WSB1: variants seen among roughly 807,000 people sequenced by gnomAD.
WSB1 encodes the protein WD repeat and SOCS box containing 1.
A neutral mutation model predicts 50.2 loss-of-function variants in WSB1; 23 were observed. The ratio of observed to expected loss-of-function variants is 0.46; its 90% confidence interval spans 0.33 to 0.65. The LOEUF (loss-of-function observed/expected upper bound fraction) is 0.65. Ranked by LOEUF, WSB1 falls within the 30% of genes least tolerant of loss-of-function variation. WSB1 has a pLI of 0.02. For missense variants in WSB1, 492 were observed against 522.3 expected (o/e 0.94, Z 0.56); for synonymous variants, 179 against 172.0 (o/e 1.04, Z -0.32).
chr17:27,298,049 CG>C (rs2017058270), intron 1 of WSB1, among the ~76,000 whole-genome samples: 1 of 148,040 alleles, frequency 6.8e-6, no homozygotes, highest in South Asian at 2.2e-4. Flanking sequence ...TGCTTGAACC[CG>C]GGAGGCAGAG....
intron 8 of WSB1, 125 bp from the exon 9 acceptor site, chr17:27,312,085 G>T: frequency 6.4e-6 from 8 of 1,242,302 alleles, no homozygotes; most frequent in Non-Finnish European, 8.9e-6. Context: ...GTTCTTCCTG[G>T]TTGGGTTTTA....
chr17:27,306,280 T>C (rs1402816677), intron 4 of WSB1, among the ~76,000 whole-genome samples: 4 of 139,690 alleles, frequency 2.9e-5, no homozygotes, highest in African/African-American at 1.1e-4. Context: ...CGGCGTGATC[T>C]CCGCTCACTG....
intron 2 of WSB1, 34 bp from the exon 3 acceptor site, chr17:27,303,333 T>A (rs766095487): frequency 6.2e-7 from 1 of 1,606,264 alleles, no homozygotes. Flanking sequence ...GAGTGAATAA[T>A]AATACAATTT....
chr17:27,314,601 C>G lies in WSB1; in HGVS notation c.*2232C>G, dbSNP rs1246988621. The G allele has an allele frequency of 6.6e-6, 1 of 152,134 alleles. No individual in the cohort carries two copies. The highest frequency in any genetic ancestry group is 1.9e-4 in the East Asian group (1 of 5,192). The allele number at this position is 152,134 out of a possible 1,614,324, so 9.4% of individuals were successfully genotyped here. A position where few individuals can be genotyped will look rare whatever the true frequency, so the allele number is the denominator to read the frequency against. On this transcript the variant is annotated 3_prime_UTR_variant, in exon 9 of 9. Coordinates refer to ENST00000262394, the MANE Select transcript of WSB1 (RefSeq NM_015626.10). ...AATAAGATACCATTACTTTTCATAT[C>G]ATTGCATTATTTTTGCTTTCCACAC... is the stretch of plus-strand genomic sequence containing the variant.
intron 1 of WSB1, among the ~76,000 whole-genome samples, chr17:27,296,131 A>G (rs2150825678): frequency 6.6e-6 from 1 of 151,924 alleles, no homozygotes; most frequent in Middle Eastern, 3.4e-3. Flanking sequence ...CCCCGCCCAG[A>G]TTTCCGGTTT....
At position 27,311,538 on chromosome 17, in the gene WSB1, A is replaced by T; in HGVS notation, c.1028A>T (p.Asp343Val). Residue 343 changes from aspartate (D) to valine (V), a missense_variant, in exon 8 of 9, where the codon GAT becomes GTT. Asp to Val is a radical substitution (Grantham distance 152). Coordinates refer to ENST00000262394, the MANE Select transcript of WSB1 (RefSeq NM_015626.10). ...KMVRFWRIDE[D>V]YPVQVAPLSN... is the part of the protein sequence containing the mutation. ...GTGAGGTTCTGGAGAATTGATGAGG[A>T]TTATCCAGTGCAAGTTGCACCTTTG... is the stretch of plus-strand genomic sequence containing the variant. 6.3e-7 allele frequency: 1 copy of T among 1,599,654 alleles called. No homozygotes were observed. Among genetic ancestry groups the T allele is most frequent in the East Asian group, 2.3e-5 (1 of 43,970 alleles).
At chr17:27,295,269 T>A (rs2150824302) in intron 1 of WSB1, among the ~76,000 whole-genome samples, 1 of 152,324 alleles carries the variant, frequency 6.6e-6, no homozygotes, top group Non-Finnish European at 1.5e-5. Context: ...ACACTGATCT[T>A]ACTGTGTGAA....
intron 2 of WSB1, chr17:27,302,864 G>A (rs4795561): frequency 0.48 from 72,609 of 152,428 alleles, 17,972 homozygotes; most frequent in African/African-American, 0.63. Flanking sequence ...TTTTTTTTGT[G>A]TCTAGCAGAC....
chr17:27,297,981 C>T (rs2017054600), intron 1 of WSB1, among the ~76,000 whole-genome samples: 1 of 151,672 alleles, frequency 6.6e-6, no homozygotes, highest in Non-Finnish European at 1.5e-5. Context: ...TGGTGGTGGG[C>T]ATCATGATGG....
At chr17:27,296,319 G>C (rs181975874) in intron 1 of WSB1, among the ~76,000 whole-genome samples, 1 of 151,536 alleles carries the variant, frequency 6.6e-6, no homozygotes, top group Admixed American at 6.6e-5. Context: ...CTAAGTGCCA[G>C]ATATCTAGAA....
intron 1 of WSB1, chr17:27,297,045 A>G (rs1323956334): frequency 6.6e-6 from 1 of 152,244 alleles, no homozygotes; most frequent in Non-Finnish European, 1.5e-5. Context: ...GGTAGGTTTT[A>G]TAATGGCTCT....
intron 3 of WSB1, among the ~76,000 whole-genome samples, chr17:27,304,072 T>G (rs533203333): frequency 6.6e-6 from 1 of 152,244 alleles, no homozygotes; most frequent in Admixed American, 6.5e-5. Context: ...TTAAATTCTT[T>G]GGGCAACTAG....
intron 3 of WSB1, among the ~76,000 whole-genome samples, 182 bp from the exon 4 acceptor site, chr17:27,304,598 A>T (rs192195933): frequency 1.3e-5 from 2 of 149,618 alleles, no homozygotes; most frequent in Non-Finnish European, 3.0e-5. Context: ...TGTAGTTCCA[A>T]CTATTTCGGA....
Position 27,304,573 on chromosome 17 carries a change from G to A in WSB1, c.479-207G>A, listed in dbSNP as rs1358408632. Among the ~76,000 whole-genome samples, 6 of 129,632 alleles carry A rather than the reference G, an allele frequency of 4.6e-5. No homozygotes were observed. The East Asian group carries it at 8.1e-4, about 17-fold the overall frequency. The allele number at this position is 129,632 out of a possible 152,430, so 85.0% of individuals were successfully genotyped here. A position where few individuals can be genotyped will look rare whatever the true frequency, so the allele number is the denominator to read the frequency against. On this transcript the variant is annotated intron_variant, in intron 3 of 8. Transcript: ENST00000262394. ...AAAAAAAAAAAAAAAAAGGCCAGCC[G>A]TGGTGACTTGTAACTGTAGTTCCAA... is the stretch of plus-strand genomic sequence containing the variant.
chr17:27,297,692 G>A (rs547867806), intron 1 of WSB1, among the ~76,000 whole-genome samples: 1 of 152,290 alleles, frequency 6.6e-6, no homozygotes, highest in South Asian at 2.1e-4. Context: ...ATGGGCTCAA[G>A]TGATCCATCC....
chr17:27,294,158 C>T lies in WSB1; in HGVS notation c.-238C>T, dbSNP rs2016843095. ...GCGCTTTAGGGGAACTGTCTTCCTC[C>T]GCAGGCGCGAGGCTGGGTACAGGGT... On this transcript the variant is annotated 5_prime_UTR_variant, in exon 1 of 9. Coordinates refer to ENST00000262394, the MANE Select transcript of WSB1 (RefSeq NM_015626.10). 3 of 367,512 alleles carry T rather than the reference C, an allele frequency of 8.2e-6. No individual in the cohort carries two copies. Among genetic ancestry groups the T allele is most frequent in the South Asian group, 7.8e-5 (1 of 12,748 alleles). The allele number at this position is 367,512 out of a possible 1,614,324, so 22.8% of individuals were successfully genotyped here.
In WSB1 at chr17:27,301,835, G is replaced by T; in HGVS notation, c.88G>T (p.Asp30Tyr). ...GELLAPAAPF[D>Y]KKCGRENWTV... Reference sequence around the variant, plus strand: ...ACTTTTAGCTCCTGCAGCTCCTTTTGACAAGAAATGTGGTCGTGAAAATTG... The same window carrying T: ...ACTTTTAGCTCCTGCAGCTCCTTTTTACAAGAAATGTGGTCGTGAAAATTG... Residue 30 changes from aspartate (D) to tyrosine (Y), a missense_variant, in exon 2 of 9, where the codon GAC (aspartate) becomes TAC (tyrosine). Physicochemically the swap from Asp to Tyr is radical, Grantham distance 160. Transcript: ENST00000262394. 6.2e-7 allele frequency: 1 copy of T among 1,614,070 alleles called. No homozygotes were observed. The highest frequency in any genetic ancestry group is 1.1e-5 in the South Asian group (1 of 91,062).
At chr17:27,302,598 CA>C (rs1218676390) in intron 2 of WSB1, 2 of 151,726 alleles carry the variant, frequency 1.3e-5, no homozygotes, top group Non-Finnish European at 2.9e-5. Context: ...AACCCTGGTG[CA>C]TAGTAGTAGA....
intron 5 of WSB1, chr17:27,308,033 T>C (rs564244215): frequency 5.0e-6 from 6 of 1,206,178 alleles, no homozygotes; most frequent in Non-Finnish European, 6.2e-6. Flanking sequence ...TCCAGTTTTA[T>C]GGAATTGGGA....
Sources: gnomAD v4.1 joint callset for allele counts (sites outside exome capture counted in the v4.1 genomes callset) on GRCh38, gnomAD v4.1.1 for gene constraint, MANE v1.5 for transcripts, NCBI Gene and HGNC (gene_info 2026-07-23, HGNC 2026-07-21) for gene names.